RBCK1: variants seen among roughly 807,000 people sequenced by gnomAD.
RBCK1 encodes the protein ranBP-type and C3HC4-type zinc finger-containing protein 1.
RBCK1 carries 44 observed loss-of-function variants against 71.1 expected under a neutral mutation model. The ratio of observed to expected loss-of-function variants is 0.62; its 90% CI spans 0.49 to 0.80. The LOEUF is 0.80. Ranked by LOEUF, RBCK1 falls within the 30% of genes least tolerant of loss-of-function variation. RBCK1 has a pLI of 0.00. For synonymous variants in RBCK1, 306 were observed against 279.7 expected, an observed-to-expected ratio of 1.09 and a Z score of -0.94; for missense variants, 569 against 685.0, an observed-to-expected ratio of 0.83 and a Z score of 1.89.
chr20:431,134 A>AC lies in RBCK1; in HGVS notation c.*708dup, dbSNP rs551665998. Among the ~76,000 whole-genome samples, 144 of 151,574 alleles carry AC rather than the reference A, an allele frequency of 9.5e-4. 2 individuals carry two copies. The South Asian group carries it at 0.029, about 31-fold the overall frequency. On this transcript the variant is annotated 3_prime_UTR_variant, in exon 12 of 12. Coordinates refer to ENST00000356286, the MANE Select transcript of RBCK1 (RefSeq NM_031229.4). The surrounding 1 kb of genome is among the most constrained non-coding windows in gnomAD (Gnocchi z 4.8). ...ACTGGGACCTTTCTACCAGATGTGG[A>AC]CCCCATGCCCAGCCTCAGGGGCAAG...
In RBCK1 at chr20:428,951, G is replaced by A. The variant is rs140534156; in HGVS notation, c.1309G>A (p.Val437Met). 5.6e-6 allele frequency: 9 copies of A among 1,606,738 alleles called. No individual in the cohort carries two copies. Among genetic ancestry groups the A allele is most frequent in the Non-Finnish European group, 5.1e-6 (6 of 1,178,768 alleles). ...AARQTTEMLK[V>M]MLQQGEAMRC... ...AGGGCCAGCACCTGCCCCACTCCAGGTGATGCTGCAGCAGGGCGAGGCCAT... is the reference window on the plus strand; with the variant it reads ...AGGGCCAGCACCTGCCCCACTCCAGATGATGCTGCAGCAGGGCGAGGCCAT... The change falls in exon 11 of 12, where the codon GTG (valine) becomes ATG (methionine). Residue 437 changes from valine to methionine, a missense_variant and splice_region_variant. By Grantham distance (21) the Val-to-Met change is conservative. Transcript: ENST00000356286. This position sits in a 1 kb window ranked among gnomAD's most constrained non-coding sequence, Gnocchi z 5.7.
At chr20:416,800 C>A (rs1308512910) in intron 2 of RBCK1, among the ~76,000 whole-genome samples, 1 of 152,172 alleles carries the variant, frequency 6.6e-6, no homozygotes, top group Non-Finnish European at 1.5e-5. Context: ...AGTTCAAGAC[C>A]AGCTTTGGCA....
chr20:421,148 T>G, intron 7 of RBCK1, 117 bp downstream of exon 7: 1 of 1,282,038 alleles, frequency 7.8e-7, no homozygotes. Context: ...CGCGAAAACC[T>G]ACGAGGTAGG....
At chr20:416,154 C>CTTTT (rs548467650) in intron 2 of RBCK1, among the ~76,000 whole-genome samples, 2 of 133,468 alleles carry the variant, frequency 1.5e-5, no homozygotes, top group African/African-American at 5.6e-5. Flanking sequence ...TCAGCAGTCA[C>CTTTT]TTTTTTTTTT....
rs995482767 is a variant in RBCK1 at position 420,587 on chromosome 20, C to A, written c.757-284C>A. 17 of 981,312 alleles carry A rather than the reference C, an allele frequency of 1.7e-5. No individual in the cohort carries two copies. In the African/African-American group the frequency reaches 2.9e-4, roughly 16 times the overall value. 60.8% of individuals were successfully genotyped at this position (981,312 alleles called of 1,614,324 possible). ...CCTGGCGCCTTCCGTGGCTACCTGG[C>A]CGGCCTCCCCTCCCTTGGCTTCCCC... On this transcript the variant is annotated intron_variant, in intron 6 of 11. Coordinates refer to ENST00000356286, the MANE Select transcript of RBCK1 (RefSeq NM_031229.4).
chr20:426,246 A>G (rs945980277), intron 8 of RBCK1, among the ~76,000 whole-genome samples: 1 of 152,176 alleles, frequency 6.6e-6, no homozygotes, highest in African/African-American at 2.4e-5. Context: ...AGTTATTATA[A>G]AATGTACAAT....
chr20:417,562 C>T lies in RBCK1; in HGVS notation c.204C>T (p.Thr68=), dbSNP rs189407509. 316 of 1,613,862 alleles carry T rather than the reference C, an allele frequency of 2.0e-4. No individual in the cohort carries two copies. The highest frequency in any genetic ancestry group is 3.3e-4 in the Middle Eastern group (2 of 6,000). ...WVSVEDAQMH[T]VTIWLTVRPD... is the part of the protein sequence containing the mutation. ...GCGTGGAGGATGCTCAGATGCACAC[C>T]GTCACCATCTGGCTCACAGTGCGCC... The change falls in exon 3 of 12, where the codon ACC becomes ACT. Residue 68 remains threonine, a synonymous_variant. Coordinates refer to ENST00000356286, the MANE Select transcript of RBCK1 (RefSeq NM_031229.4). The surrounding 1 kb of genome is among the most constrained non-coding windows in gnomAD (Gnocchi z 4.7).
At chr20:424,126 A>C (rs1290614442) in intron 8 of RBCK1, among the ~76,000 whole-genome samples, 1 of 151,816 alleles carries the variant, frequency 6.6e-6, no homozygotes, top group East Asian at 1.9e-4. Flanking sequence ...TGGAGTCACC[A>C]CTCCGCCAGT....
In RBCK1 at chr20:417,655, G is replaced by C. The variant is rs2016076981; in HGVS notation, c.261+36G>C. On this transcript the variant is annotated intron_variant, in intron 3 of 11. Transcript: ENST00000356286. This position sits in a 1 kb window ranked among gnomAD's most constrained non-coding sequence, Gnocchi z 4.7. The stretch of plus-strand genomic sequence containing the variant: ...AGGCGGAGGGCGACACTGGGGTGAA[G>C]GCTCTCCCTTTCACTCCTGCTTCCT... 3.1e-6 allele frequency: 5 copies of C among 1,606,076 alleles called. No individual in the cohort carries two copies. Among genetic ancestry groups the C allele is most frequent in the Non-Finnish European group, 4.3e-6 (5 of 1,173,248 alleles).
Position 422,336 on chromosome 20 carries a change from T to C in RBCK1, c.1029+98T>C. ...CATCTTTCTTTTCTTTCTTTTTTTTTTTTGGAGATGGGGTCTCACTATGTT... is the reference window on the plus strand; with the variant it reads ...CATCTTTCTTTTCTTTCTTTTTTTTCTTTGGAGATGGGGTCTCACTATGTT... On this transcript the variant is annotated intron_variant, in intron 8 of 11. Coordinates refer to ENST00000356286, the MANE Select transcript of RBCK1 (RefSeq NM_031229.4). The surrounding 1 kb of genome is among the most constrained non-coding windows in gnomAD (Gnocchi z 5.0). 9.8e-7 allele frequency: 1 copy of C among 1,019,504 alleles called. No individual in the cohort carries two copies. Among genetic ancestry groups the C allele is most frequent in the Non-Finnish European group, 1.5e-6 (1 of 673,926 alleles). 63.2% of individuals were successfully genotyped at this position (1,019,504 alleles called of 1,614,324 possible). A position where few individuals can be genotyped will look rare whatever the true frequency, so the allele number is the denominator to read the frequency against.
At position 428,483 on chromosome 20, in the gene RBCK1, C is replaced by G; in HGVS notation, c.1210-8C>G. The G allele has an allele frequency of 6.3e-7, 1 of 1,593,576 alleles. No individual in the cohort carries two copies. Among genetic ancestry groups the G allele is most frequent in the Non-Finnish European group, 8.5e-7 (1 of 1,170,294 alleles). ...ACCTTCTTACCTTGAGTCCCTCACC[C>G]GCTACAGGCCATCCATGAGCAGATG... is the stretch of plus-strand genomic sequence containing the variant. On this transcript the variant is annotated splice_region_variant and splice_polypyrimidine_tract_variant and intron_variant, in intron 9 of 11. Transcript: ENST00000356286. This position sits in a 1 kb window ranked among gnomAD's most constrained non-coding sequence, Gnocchi z 5.7.
chr20:410,572 C>G (rs1416054272), intron 2 of RBCK1: 1 of 779,670 alleles, frequency 1.3e-6, no homozygotes, highest in South Asian at 1.3e-5. Flanking sequence ...ATTCCCACAG[C>G]TACAGTTCAG....
At chr20:427,634 T>G in intron 9 of RBCK1, 142 bp downstream of exon 9, 1 of 939,996 alleles carries the variant, frequency 1.1e-6, no homozygotes, top group Admixed American at 2.4e-5. Flanking sequence ...AGTGGGAGAG[T>G]GTGGCTTGAG....
At chr20:410,695 A>C in intron 2 of RBCK1, 5 of 628,914 alleles carry the variant, frequency 8.0e-6, no homozygotes, top group Non-Finnish European at 1.2e-5. Context: ...ACTTAAACTC[A>C]ATGCTGAAAC....
At position 419,638 on chromosome 20, in the gene RBCK1, C is replaced by G. The variant is rs750427179; in HGVS notation, c.663C>G (p.Pro221=). 11 of 1,587,954 alleles carry G rather than the reference C, an allele frequency of 6.9e-6. No individual in the cohort carries two copies. In the Admixed American group the frequency reaches 8.8e-5, roughly 13 times the overall value. The part of the protein sequence containing the change: ...PGCEMCCRAR[P]EAYQVPASYQ... ...GTGAGATGTGCTGCCGGGCGCGCCCCGAGGCCTACCAGGTCCCCGCCTCAT... is the reference window on the plus strand; with the variant it reads ...GTGAGATGTGCTGCCGGGCGCGCCCGGAGGCCTACCAGGTCCCCGCCTCAT... Residue 221 remains proline, a synonymous_variant, in exon 6 of 12, where the codon CCC becomes CCG. Transcript: ENST00000356286.
chr20:427,648 G>C (rs1230718749), intron 9 of RBCK1, among the ~76,000 whole-genome samples, 156 bp downstream of exon 9: 1 of 152,164 alleles, frequency 6.6e-6, no homozygotes, highest in Non-Finnish European at 1.5e-5. Context: ...GCTTGAGCCT[G>C]AACTGAGCCC....
intron 2 of RBCK1, among the ~76,000 whole-genome samples, chr20:413,023 G>A (rs542217738): frequency 7.2e-5 from 11 of 152,072 alleles, no homozygotes; most frequent in South Asian, 4.2e-4. Context: ...GAGTTGTGCC[G>A]GCACTATTTG....
intron 2 of RBCK1, among the ~76,000 whole-genome samples, chr20:411,123 A>G (rs1290932501): frequency 6.6e-6 from 1 of 152,154 alleles, no homozygotes; most frequent in Non-Finnish European, 1.5e-5. Context: ...AAGTTGAATC[A>G]TGCAATATGT....
intron 6 of RBCK1, chr20:420,435 G>C: frequency 2.0e-6 from 2 of 981,414 alleles, no homozygotes; most frequent in South Asian, 4.7e-5. Flanking sequence ...TCAGCTCCTC[G>C]GCTTCGTCAC....
Sources: gnomAD v4.1 joint callset for allele counts (sites outside exome capture counted in the v4.1 genomes callset) on GRCh38, gnomAD v4.1.1 for gene constraint, Gnocchi (gnomAD v3.1) non-coding constraint, MANE v1.5 for transcripts, NCBI Gene and HGNC (gene_info 2026-07-23, HGNC 2026-07-21) for gene names.